FGGY: variants seen among roughly 807,000 people sequenced by gnomAD.
The protein encoded by FGGY is FGGY carbohydrate kinase domain containing.
In FGGY, 72 loss-of-function variants were observed where a neutral mutation model predicts 71.3. The observed-to-expected ratio is 1.01, with a 90% CI of 0.84 to 1.23. The LOEUF is 1.23. Among genes scored for constraint, FGGY ranks in the 50% most tolerant of loss-of-function variants. The probability of loss-of-function intolerance (pLI) is 0.00; values close to 1 mark genes in which losing one functional copy is unlikely to be tolerated. For synonymous variants in FGGY, 251 were observed against 250.3 expected (o/e 1.00, Z -0.02); for missense variants, 668 against 682.3 (o/e 0.98, Z 0.23).
intron 2 of FGGY, among the ~76,000 whole-genome samples, chr1:59,329,997 C>T (rs2048160962): frequency 6.6e-6 from 1 of 152,196 alleles, no homozygotes; most frequent in Admixed American, 6.5e-5. Context: ...GGAGCATTTT[C>T]TCTACCAATA....
intron 7 of FGGY, 143 bp downstream of exon 7, chr1:59,512,582 G>C (rs2094544743): frequency 1.4e-6 from 1 of 724,486 alleles, no homozygotes; most frequent in South Asian, 4.9e-5. Context: ...CCTTTTTACA[G>C]CTAGGCATTT....
intron 14 of FGGY, among the ~76,000 whole-genome samples, chr1:59,739,392 G>C (rs2098129760): frequency 6.6e-6 from 1 of 152,056 alleles, no homozygotes; most frequent in African/African-American, 2.4e-5. Flanking sequence ...TCACCTATCT[G>C]GCCATATGTA....
At chr1:59,582,244 G>A (rs1156721984) in intron 8 of FGGY, among the ~76,000 whole-genome samples, 1 of 149,672 alleles carries the variant, frequency 6.7e-6, no homozygotes. Context: ...GCAAGAACTT[G>A]TCTCAAAAAA....
intron 4 of FGGY, among the ~76,000 whole-genome samples, chr1:59,359,588 G>A (rs1557663760): frequency 6.6e-6 from 1 of 152,178 alleles, no homozygotes; most frequent in Non-Finnish European, 1.5e-5. Context: ...CAGGGGTCTT[G>A]GAAGTGCTGA....
At chr1:59,387,188 A>C (rs1423747074) in intron 5 of FGGY, among the ~76,000 whole-genome samples, 2 of 152,122 alleles carry the variant, frequency 1.3e-5, no homozygotes, top group South Asian at 2.1e-4. Context: ...AATTCATAGG[A>C]TCTCAAATAC....
chr1:59,743,939 G>A (rs2098171811), intron 14 of FGGY, among the ~76,000 whole-genome samples: 2 of 152,140 alleles, frequency 1.3e-5, no homozygotes, highest in African/African-American at 2.4e-5. Flanking sequence ...TCACTCCCCT[G>A]CCCAGGCAGC....
chr1:59,690,948 C>A (rs1341271076), intron 14 of FGGY, among the ~76,000 whole-genome samples: 1 of 152,242 alleles, frequency 6.6e-6, no homozygotes, highest in Non-Finnish European at 1.5e-5. Flanking sequence ...TCATTAGAGT[C>A]TGTTCTGTTA....
chr1:59,497,099 G>A (rs552627539), intron 6 of FGGY, among the ~76,000 whole-genome samples: 100 of 152,296 alleles, frequency 6.6e-4, no homozygotes, highest in African/African-American at 2.3e-3. Flanking sequence ...CTTCCAGAAG[G>A]AGTAGAGAGG....
chr1:59,394,132 G>T (rs1455010841), intron 5 of FGGY, among the ~76,000 whole-genome samples: 1 of 152,212 alleles, frequency 6.6e-6, no homozygotes, highest in African/African-American at 2.4e-5. Context: ...CTAGAGGTGA[G>T]TGCCAATAAT....
chr1:59,578,144 C>T (rs1008496324), intron 8 of FGGY, among the ~76,000 whole-genome samples: 1 of 151,994 alleles, frequency 6.6e-6, no homozygotes, highest in Non-Finnish European at 1.5e-5. Context: ...AAAGTGAAGA[C>T]AAGGAAAAGG....
intron 5 of FGGY, among the ~76,000 whole-genome samples, chr1:59,436,090 C>A (rs1167184813): frequency 6.6e-6 from 1 of 152,178 alleles, no homozygotes; most frequent in Non-Finnish European, 1.5e-5. Flanking sequence ...TCAGGTTGGA[C>A]TCCCTGGTGT....
chr1:59,755,471 G>A (rs1261335169), intron 14 of FGGY: 2 of 152,192 alleles, frequency 1.3e-5, no homozygotes, highest in Non-Finnish European at 2.9e-5. Context: ...AGAAGTTGCT[G>A]TTGGAGCACA....
intron 8 of FGGY, among the ~76,000 whole-genome samples, chr1:59,568,276 C>T (rs1339023322): frequency 1.3e-5 from 2 of 152,062 alleles, no homozygotes; most frequent in Non-Finnish European, 2.9e-5. Flanking sequence ...TGTGGTAGAC[C>T]TGTACTTGCT....
intron 4 of FGGY, among the ~76,000 whole-genome samples, chr1:59,370,290 G>T (rs545413953): frequency 1.6e-4 from 25 of 152,160 alleles, no homozygotes. Flanking sequence ...GAGACGATGC[G>T]ATCACCTGGA....
intron 8 of FGGY, among the ~76,000 whole-genome samples, chr1:59,579,464 G>C (rs2096146872): frequency 6.6e-6 from 1 of 152,108 alleles, no homozygotes; most frequent in Non-Finnish European, 1.5e-5. Flanking sequence ...CTAAAATTTA[G>C]CATGTCAAAA....
intron 9 of FGGY, among the ~76,000 whole-genome samples, chr1:59,617,381 A>C (rs1369964317): frequency 6.6e-6 from 1 of 152,152 alleles, no homozygotes; most frequent in African/African-American, 2.4e-5. Context: ...CAATTATTTC[A>C]TTCTAAGTAT....
intron 14 of FGGY, among the ~76,000 whole-genome samples, chr1:59,678,777 G>T (rs1349084778): frequency 6.6e-6 from 1 of 152,144 alleles, no homozygotes; most frequent in Non-Finnish European, 1.5e-5. Flanking sequence ...TGAAAAAAAG[G>T]AGTGGAGGAA....
chr1:59,410,237 T>C (rs2063402501), intron 5 of FGGY, among the ~76,000 whole-genome samples: 1 of 152,240 alleles, frequency 6.6e-6, no homozygotes, highest in African/African-American at 2.4e-5. Flanking sequence ...GAAACAAAGA[T>C]AGTAACAACA....
chr1:59,562,755 A>G (rs914051785), intron 8 of FGGY, among the ~76,000 whole-genome samples: 7 of 152,222 alleles, frequency 4.6e-5, no homozygotes, highest in Non-Finnish European at 1.0e-4. Context: ...AATGGGCACA[A>G]CAAGGGCCAG....
Sources: gnomAD v4.1 joint callset for allele counts (sites outside exome capture counted in the v4.1 genomes callset) on GRCh38, gnomAD v4.1.1 for gene constraint, MANE v1.5 for transcripts, NCBI Gene and HGNC (gene_info 2026-07-23, HGNC 2026-07-21) for gene names.